MITF: variants seen among roughly 807,000 people sequenced by gnomAD.
The protein encoded by MITF is microphthalmia-associated transcription factor.
In MITF, 17 loss-of-function variants were observed where a neutral mutation model predicts 60.5. The ratio of observed to expected loss-of-function variants is 0.28; its 90% confidence interval spans 0.19 to 0.42. MITF has a LOEUF of 0.42. MITF is among the 10% of genes least tolerant of loss of function. MITF has a pLI of 1.00. For missense variants in MITF, 622 were observed against 683.5 expected (o/e 0.91, Z 1.00); for synonymous variants, 260 against 248.5 (o/e 1.05, Z -0.43).
At chr3:69,881,799 T>A (rs1283352523) in intron 2 of MITF, among the ~76,000 whole-genome samples, 1 of 152,158 alleles carries the variant, frequency 6.6e-6, no homozygotes, top group African/African-American at 2.4e-5. Flanking sequence ...ACTAATTGAG[T>A]GCATTATGAT....
At chr3:69,833,572 C>T (rs904641053) in intron 1 of MITF, among the ~76,000 whole-genome samples, 5 of 145,570 alleles carry the variant, frequency 3.4e-5, no homozygotes, top group African/African-American at 1.3e-4. Flanking sequence ...GTATGTGGTT[C>T]CTTCCCTGTT....
intron 2 of MITF, among the ~76,000 whole-genome samples, chr3:69,895,955 C>T (rs904351536): frequency 6.6e-6 from 1 of 151,704 alleles, no homozygotes; most frequent in Non-Finnish European, 1.5e-5. Flanking sequence ...GATGCTAACA[C>T]CCCCCTTCCC....
chr3:69,882,436 C>T (rs897138298), intron 2 of MITF, among the ~76,000 whole-genome samples: 1 of 152,182 alleles, frequency 6.6e-6, no homozygotes, highest in East Asian at 1.9e-4. Flanking sequence ...TTAAGAACAA[C>T]CTTACCCAAT....
chr3:69,773,835 G>C (rs367991555), intron 1 of MITF, among the ~76,000 whole-genome samples: 4 of 152,276 alleles, frequency 2.6e-5, no homozygotes, highest in African/African-American at 9.6e-5. Flanking sequence ...TTTATCACTA[G>C]CCTTAATACT....
intron 2 of MITF, among the ~76,000 whole-genome samples, chr3:69,900,164 T>C (rs2064965155): frequency 6.6e-6 from 1 of 151,902 alleles, no homozygotes; most frequent in Non-Finnish European, 1.5e-5. Flanking sequence ...CTATTGGGAG[T>C]GGAGGCAGAA....
At chr3:69,881,602 G>A (rs889442600) in intron 2 of MITF, among the ~76,000 whole-genome samples, 1 of 151,510 alleles carries the variant, frequency 6.6e-6, no homozygotes, top group African/African-American at 2.4e-5. Context: ...GTGTATAAAA[G>A]TATTATGAAA....
chr3:69,942,021 C>T (rs534123962), intron 5 of MITF, among the ~76,000 whole-genome samples: 9 of 152,240 alleles, frequency 5.9e-5, no homozygotes, highest in Non-Finnish European at 8.8e-5. Context: ...GACAGTCTTA[C>T]GCAAGATTAC....
rs569979496 is a variant in MITF, at chr3:69,955,223, C to T, written c.956-1232C>T. Among the ~76,000 whole-genome samples, 11 of 152,048 alleles carry T rather than the reference C, an allele frequency of 7.2e-5. 1 individual carries two copies. The highest frequency in any genetic ancestry group is 2.4e-4 in the African/African-American group (10 of 41,482). On this transcript the variant is annotated intron_variant, in intron 7 of 9. Coordinates refer to ENST00000352241, the MANE Select transcript of MITF (RefSeq NM_001354604.2). ...GAAATATGGCTGGTCCAAATTGTGA[C>T]GTAAAACTGAAAGTGTAAAATGCGC...
At chr3:69,774,906 C>T (rs187735393) in intron 1 of MITF, among the ~76,000 whole-genome samples, 4 of 152,268 alleles carry the variant, frequency 2.6e-5, no homozygotes, top group South Asian at 2.1e-4. Context: ...CAGAAGTTGA[C>T]GCTGGAAACA....
At chr3:69,873,421 A>G (rs1288443412) in intron 1 of MITF, among the ~76,000 whole-genome samples, 2 of 152,124 alleles carry the variant, frequency 1.3e-5, no homozygotes, top group Non-Finnish European at 2.9e-5. Context: ...CTTCCAATAG[A>G]TTGTTAAGAA....
At chr3:69,824,958 T>C (rs1273693047) in intron 1 of MITF, among the ~76,000 whole-genome samples, 1 of 152,236 alleles carries the variant, frequency 6.6e-6, no homozygotes, top group Non-Finnish European at 1.5e-5. Context: ...CCTTGGGCCC[T>C]GTATCTCTGT....
At chr3:69,834,395 G>A (rs1422261045) in intron 1 of MITF, among the ~76,000 whole-genome samples, 1 of 152,064 alleles carries the variant, frequency 6.6e-6, no homozygotes, top group Non-Finnish European at 1.5e-5. Context: ...TTACCCCTTA[G>A]ATTTCACATT....
chr3:69,763,937 A>T (rs1343401724), intron 1 of MITF: 1 of 1,361,434 alleles, frequency 7.3e-7, no homozygotes, highest in East Asian at 3.7e-5. Flanking sequence ...GCCTGTTTTC[A>T]AGAAGGTAAT....
At chr3:69,908,755 A>G (rs559439140) in intron 2 of MITF, among the ~76,000 whole-genome samples, 5 of 152,256 alleles carry the variant, frequency 3.3e-5, no homozygotes, top group Non-Finnish European at 7.4e-5. Context: ...TAATTCTTCC[A>G]CTTAGGATTT....
chr3:69,921,431 AT>A (rs1218270369), intron 2 of MITF, among the ~76,000 whole-genome samples: 1 of 152,170 alleles, frequency 6.6e-6, no homozygotes, highest in Admixed American at 6.5e-5. Context: ...AAACATTAGA[AT>A]TGTTCAGCTT....
chr3:69,958,894 T>A (rs1160150592), intron 8 of MITF, among the ~76,000 whole-genome samples: 1 of 152,022 alleles, frequency 6.6e-6, no homozygotes, highest in Non-Finnish European at 1.5e-5. Flanking sequence ...TGGGCAACAC[T>A]AGGCACGTGG....
intron 1 of MITF, among the ~76,000 whole-genome samples, chr3:69,756,908 G>A (rs1369169602): frequency 6.6e-6 from 1 of 152,170 alleles, no homozygotes; most frequent in Non-Finnish European, 1.5e-5. Context: ...TTTTAAATAT[G>A]TTTGTTGGCC....
At chr3:69,904,094 T>G (rs79608546) in intron 2 of MITF, among the ~76,000 whole-genome samples, 1 of 152,084 alleles carries the variant, frequency 6.6e-6, no homozygotes, top group African/African-American at 2.4e-5. Flanking sequence ...ATTGCCATGA[T>G]TAGCTTGAAC....
chr3:69,752,517 C>G (rs1575664237), intron 1 of MITF: 1 of 152,296 alleles, frequency 6.6e-6, no homozygotes, highest in South Asian at 2.1e-4. Context: ...GTGTCCCTGC[C>G]ATAGGGATCT....
Sources: gnomAD v4.1 joint callset for allele counts (sites outside exome capture counted in the v4.1 genomes callset) on GRCh38, gnomAD v4.1.1 for gene constraint, MANE v1.5 for transcripts, NCBI Gene and HGNC (gene_info 2026-07-23, HGNC 2026-07-21) for gene names.